ADGB: variants seen among roughly 807,000 people sequenced by gnomAD.
ADGB encodes the protein calpain-7-like protein.
ADGB carries 172 observed loss-of-function variants against 210.5 expected under a neutral mutation model. That is an observed-to-expected ratio of 0.82 (90% CI 0.72 to 0.93). The LOEUF is 0.93. ADGB is among the 40% of genes least tolerant of loss of function. ADGB has a pLI of 0.00. For missense variants in ADGB, 2,025 were observed against 1,964.8 expected (o/e 1.03, Z -0.58); for synonymous variants, 658 against 662.7 (o/e 0.99, Z 0.11).
At position 146,733,159 on chromosome 6, in the gene ADGB, C is replaced by A; in HGVS notation, c.2560C>A (p.Gln854Lys). ...LSLWRLMKKV[Q>K]ITKPPPNFKF... The stretch of plus-strand genomic sequence containing the variant: ...CTTATGGCGTTTAATGAAAAAAGTT[C>A]AAATAACAAAACCTCCTCCAAACTT... Residue 854 changes from glutamine to lysine, a missense_variant, in exon 21 of 36, where the codon CAA (glutamine) becomes AAA (lysine). Physicochemically the swap from Gln to Lys is moderately conservative, Grantham distance 53. Coordinates refer to ENST00000397944, the MANE Select transcript of ADGB (RefSeq NM_024694.4). The A allele has an allele frequency of 6.5e-7, 1 of 1,533,410 alleles. No homozygotes were observed. Among genetic ancestry groups the A allele is most frequent in the Non-Finnish European group, 8.8e-7 (1 of 1,137,234 alleles). 95.0% of individuals were successfully genotyped at this position (1,533,410 alleles called of 1,614,324 possible).
At chr6:146,809,212 GTCCC>G (rs1778261901) in intron 35 of ADGB, among the ~76,000 whole-genome samples, 2 of 152,130 alleles carry the variant, frequency 1.3e-5, no homozygotes, top group African/African-American at 4.8e-5. Flanking sequence ...CTCAGTTTTT[GTCCC>G]AACACTCAGC....
chr6:146,614,262 A>G (rs1250897608), intron 1 of ADGB, among the ~76,000 whole-genome samples: 1 of 129,388 alleles, frequency 7.7e-6, no homozygotes, highest in Non-Finnish European at 1.6e-5. Context: ...AGTTTTTTTG[A>G]TATAACATTG....
chr6:146,695,795 GTTT>G (rs1241326922), intron 12 of ADGB, among the ~76,000 whole-genome samples: 1 of 151,666 alleles, frequency 6.6e-6, no homozygotes, highest in Non-Finnish European at 1.5e-5. Flanking sequence ...ATTATTTTTA[GTTT>G]TTATTATTTT....
rs147563364 is a variant in ADGB, at chr6:146,803,282, C to A, written c.4818+1271C>A. The A allele has an allele frequency of 1.3e-3, 2,143 of 1,605,506 alleles. 22 individuals carry two copies. In the African/African-American group the frequency reaches 0.024, roughly 18 times the overall value. ...GGTCCTGAGAAACCTCAGAAAAAAA[C>A]CCACTATATTTTGATGATGGGCTTT... On this transcript the variant is annotated intron_variant, in intron 35 of 35. Coordinates refer to ENST00000397944, the MANE Select transcript of ADGB (RefSeq NM_024694.4).
chr6:146,610,267 G>A (rs1207511831), intron 1 of ADGB, among the ~76,000 whole-genome samples: 3 of 152,030 alleles, frequency 2.0e-5, no homozygotes, highest in Non-Finnish European at 4.4e-5. Flanking sequence ...TAAATTTGTT[G>A]GATTGGTTTT....
chr6:146,600,523 CAGG>C (rs1394901378), intron 1 of ADGB, among the ~76,000 whole-genome samples: 1 of 152,146 alleles, frequency 6.6e-6, no homozygotes, highest in Non-Finnish European at 1.5e-5. Context: ...TCCCTTCCTT[CAGG>C]AGTTTACCTA....
At chr6:146,637,191 AT>A in intron 2 of ADGB, among the ~76,000 whole-genome samples, 1 of 151,866 alleles carries the variant, frequency 6.6e-6, no homozygotes, top group Admixed American at 6.6e-5. Context: ...TTGTTTATTT[AT>A]TTTTTCCTCT....
chr6:146,671,777 G>C (rs78932068), intron 7 of ADGB, among the ~76,000 whole-genome samples: 6,112 of 152,238 alleles, frequency 0.04, 417 homozygotes, highest in African/African-American at 0.14. Flanking sequence ...CCAGGAAAGA[G>C]GGATGTTATG....
chr6:146,644,784 G>A lies in ADGB; in HGVS notation c.249G>A (p.Glu83=). The A allele has an allele frequency of 6.9e-7, 1 of 1,450,900 alleles. No individual in the cohort carries two copies. The allele number at this position is 1,450,900 out of a possible 1,614,324, so 89.9% of individuals were successfully genotyped here. Residue 83 remains glutamate, a synonymous_variant, in exon 3 of 36, where the codon GAG becomes GAA. Coordinates refer to ENST00000397944, the MANE Select transcript of ADGB (RefSeq NM_024694.4). ...TTATTTTTATATAGCATTTTTTTGA[G>A]GACCCTGAAGGAAAGATTGAGTTAC... is the stretch of plus-strand genomic sequence containing the variant. The part of the protein sequence containing the change: ...TGKSPVFHFF[E]DPEGKIELPP...
intron 5 of ADGB, among the ~76,000 whole-genome samples, chr6:146,661,261 C>T (rs1490243247): frequency 7.5e-5 from 10 of 133,726 alleles, no homozygotes; most frequent in African/African-American, 2.3e-4. Context: ...GACTCTGTCG[C>T]TCAGGCTGGA....
At chr6:146,620,367 T>C (rs1279848272) in intron 1 of ADGB, among the ~76,000 whole-genome samples, 2 of 152,170 alleles carry the variant, frequency 1.3e-5, no homozygotes. Flanking sequence ...ATATGCTTTC[T>C]AGGCATTTTT....
At chr6:146,730,481 T>C (rs1776965515) in intron 20 of ADGB, among the ~76,000 whole-genome samples, 1 of 152,156 alleles carries the variant, frequency 6.6e-6, no homozygotes, top group African/African-American at 2.4e-5. Flanking sequence ...CACAACATAT[T>C]TCATCCCAAA....
intron 13 of ADGB, among the ~76,000 whole-genome samples, chr6:146,704,066 T>C (rs187451010): frequency 1.6e-4 from 25 of 152,152 alleles, no homozygotes; most frequent in African/African-American, 5.1e-4. Context: ...ATTAGTGATG[T>C]TGAGCATTTT....
At chr6:146,616,086 T>C (rs904285908) in intron 1 of ADGB, among the ~76,000 whole-genome samples, 1 of 152,132 alleles carries the variant, frequency 6.6e-6, no homozygotes, top group Non-Finnish European at 1.5e-5. Flanking sequence ...TTATTTTTTG[T>C]CTTTTTGATA....
chr6:146,742,230 A>T (rs541108691), intron 25 of ADGB, among the ~76,000 whole-genome samples: 1 of 152,218 alleles, frequency 6.6e-6, no homozygotes, highest in South Asian at 2.1e-4. Flanking sequence ...ATATGTGTGT[A>T]TATGTGTATA....
At chr6:146,683,862 A>C (rs1159922051) in intron 9 of ADGB, among the ~76,000 whole-genome samples, 1 of 152,148 alleles carries the variant, frequency 6.6e-6, no homozygotes, top group Non-Finnish European at 1.5e-5. Flanking sequence ...GATAATATTA[A>C]ATATTAAGCT....
rs73584889 is a variant in ADGB at position 146,792,221 on chromosome 6, T to C, written c.4537+3611T>C. On this transcript the variant is annotated intron_variant, in intron 33 of 35. Coordinates refer to ENST00000397944, the MANE Select transcript of ADGB (RefSeq NM_024694.4). ...ATATATGGTGTCTTTTGGGGTTCCA[T>C]ACAAATTTTAGGAATCTTTTTGTCT... Among the ~76,000 whole-genome samples, 880 of 152,282 alleles carry C rather than the reference T, an allele frequency of 5.8e-3. 11 individuals are homozygous for C. Among genetic ancestry groups the C allele is most frequent in the African/African-American group, 0.02 (841 of 41,554 alleles).
At chr6:146,811,278 T>A (rs1212270065) in intron 35 of ADGB, among the ~76,000 whole-genome samples, 1 of 152,144 alleles carries the variant, frequency 6.6e-6, no homozygotes, top group African/African-American at 2.4e-5. Context: ...CATAATACAA[T>A]GTGTCTTGCT....
At chr6:146,809,996 A>G (rs9390424) in intron 35 of ADGB, among the ~76,000 whole-genome samples, 45,667 of 149,770 alleles carry the variant, frequency 0.3, 7,891 homozygotes, top group East Asian at 0.67. Flanking sequence ...CACAGCAAAG[A>G]AAACAACAAA....
Sources: allele counts gnomAD v4.1 joint callset (sites outside exome capture counted in the v4.1 genomes callset), GRCh38; gene constraint gnomAD v4.1.1; transcripts MANE v1.5; gene names NCBI Gene and HGNC (gene_info 2026-07-23, HGNC 2026-07-21).